Variants in CPNE5 observed in about 807,000 individuals in gnomAD.
CPNE5 encodes the protein copine 5.
Under a neutral mutation model 81.1 loss-of-function variants are expected in CPNE5, and 42 were observed. The ratio of observed to expected loss-of-function variants is 0.52; its 90% CI spans 0.40 to 0.67. CPNE5 has a LOEUF of 0.67. Ranked by LOEUF, CPNE5 falls within the 30% of genes least tolerant of loss-of-function variation. The pLI is 0.00. For synonymous variants in CPNE5, 313 were observed against 321.5 expected (o/e 0.97, Z 0.28); for missense variants, 612 against 815.5 (o/e 0.75, Z 3.04).
chr6:36,752,482 C>G (rs1206038381), intron 14 of CPNE5: 4 of 152,416 alleles, frequency 2.6e-5, no homozygotes, highest in African/African-American at 9.7e-5. Flanking sequence ...CTTACAGGGC[C>G]CTAATAACAG....
In CPNE5 at chr6:36,746,967, G is replaced by T. The variant is rs1290409720; in HGVS notation, c.1019-390C>A. 0.01 allele frequency among the ~76,000 whole-genome samples: 1 copy of T among 96 alleles called. No homozygotes were observed. Among genetic ancestry groups the T allele is most frequent in the African/African-American group, 0.056 (1 of 18 alleles). The allele number at this position is 96 out of a possible 152,430, so 0.1% of individuals were successfully genotyped here. ...AATGAAACCCAAAGTCCTCACAAGA[G>T]CCCGCAAGCACTCATGATCTGGCCT... On this transcript the variant is annotated intron_variant, in intron 15 of 20. Transcript: ENST00000244751. This position sits in a 1 kb window ranked among gnomAD's most constrained non-coding sequence, Gnocchi z 4.5.
intron 8 of CPNE5, 149 bp from the exon 9 acceptor site, chr6:36,779,106 C>A (rs938984183): frequency 7.1e-6 from 4 of 563,904 alleles, no homozygotes; most frequent in Non-Finnish European, 1.3e-5. Context: ...TCAGACGGCC[C>A]CCCAGCAGGC....
intron 6 of CPNE5, among the ~76,000 whole-genome samples, chr6:36,797,496 G>A (rs1025173857): frequency 2.6e-5 from 4 of 152,204 alleles, no homozygotes; most frequent in African/African-American, 9.6e-5. Context: ...GGTAAGAATC[G>A]TTTATACAGG....
At chr6:36,794,402 G>C (rs574579557) in intron 7 of CPNE5, among the ~76,000 whole-genome samples, 188 bp downstream of exon 7, 1 of 152,156 alleles carries the variant, frequency 6.6e-6, no homozygotes, top group South Asian at 2.1e-4. Flanking sequence ...GCCCACTGCC[G>C]AGTGGGGGCC....
rs185438799 is a variant in CPNE5, at chr6:36,812,167, G to A, written c.183+9947C>T. Among the ~76,000 whole-genome samples the A allele has an allele frequency of 1.2e-4, 18 of 152,300 alleles. No homozygotes were observed. In the East Asian group the frequency reaches 2.7e-3, roughly 23 times the overall value. The stretch of plus-strand genomic sequence containing the variant: ...GTGGCCTGGGCAGAGGAGAAGACCA[G>A]GGACTCCGACTCGGAAAACCACATT... On this transcript the variant is annotated intron_variant, in intron 3 of 20. Coordinates refer to ENST00000244751, the MANE Select transcript of CPNE5 (RefSeq NM_020939.2).
intron 3 of CPNE5, among the ~76,000 whole-genome samples, chr6:36,812,845 A>T (rs1771218638): frequency 6.6e-6 from 1 of 152,244 alleles, no homozygotes; most frequent in Admixed American, 6.5e-5. Context: ...AAAAGGAGAG[A>T]GTCCAGAAAG....
intron 3 of CPNE5, among the ~76,000 whole-genome samples, chr6:36,815,450 G>C (rs1257718558): frequency 6.6e-6 from 1 of 152,184 alleles, no homozygotes; most frequent in African/African-American, 2.4e-5. Context: ...TAGGTCAGGA[G>C]GGCAGAGCCC....
chr6:36,783,027 G>T lies in CPNE5; in HGVS notation c.529-4070C>A, dbSNP rs866888162. ...CCTGTGGAGAAGGCGAAAGGAGATG[G>T]CCTGTGTCACATCCTGGTCCACAGT... is the stretch of plus-strand genomic sequence containing the variant. On this transcript the variant is annotated intron_variant, in intron 8 of 20. Coordinates refer to ENST00000244751, the MANE Select transcript of CPNE5 (RefSeq NM_020939.2). 1.2e-3 allele frequency among the ~76,000 whole-genome samples: 177 copies of T among 152,202 alleles called. 1 individual carries two copies. The highest frequency in any genetic ancestry group is 4.0e-3 in the African/African-American group (166 of 41,494).
chr6:36,758,999 GC>G (rs1005889055), intron 12 of CPNE5, among the ~76,000 whole-genome samples: 6 of 152,228 alleles, frequency 3.9e-5, no homozygotes, highest in Non-Finnish European at 8.8e-5. Context: ...CAAAATGGCA[GC>G]CCCAGTGCTG....
Position 36,798,212 on chromosome 6 carries a change from A to C in CPNE5, c.357T>G (p.Leu119=). ...TCCCAGGGGACCCCACAATCTCTCCAAGGGTGCAGAAGGCCTGGCCCAGGA... is the reference window on the plus strand; with the variant it reads ...TCCCAGGGGACCCCACAATCTCTCCCAGGGTGCAGAAGGCCTGGCCCAGGA... The part of the protein sequence containing the change: ...HDFLGQAFCT[L]GEIVGSPGSR... The change falls in exon 6 of 21, where the codon CTT becomes CTG. Residue 119 remains leucine (L), a synonymous_variant. Coordinates refer to ENST00000244751, the MANE Select transcript of CPNE5 (RefSeq NM_020939.2). 2 of 1,613,728 alleles carry C rather than the reference A, an allele frequency of 1.2e-6. No homozygotes were observed. The highest frequency in any genetic ancestry group is 1.7e-6 in the Non-Finnish European group (2 of 1,179,834).
At chr6:36,782,743 G>A (rs924269279) in intron 8 of CPNE5, among the ~76,000 whole-genome samples, 5 of 151,936 alleles carry the variant, frequency 3.3e-5, no homozygotes, top group African/African-American at 1.2e-4. Context: ...GCAGTGAGCC[G>A]AGATTGCGCC....
chr6:36,759,376 C>A (rs1765802726), intron 12 of CPNE5, among the ~76,000 whole-genome samples: 1 of 151,646 alleles, frequency 6.6e-6, no homozygotes, highest in Non-Finnish European at 1.5e-5. Context: ...AGCTGCCCCT[C>A]CACTAAGTCA....
At chr6:36,822,940 C>G in intron 2 of CPNE5, 118 bp downstream of exon 2, 1 of 800,358 alleles carries the variant, frequency 1.2e-6, no homozygotes, top group Non-Finnish European at 1.9e-6. Context: ...AGGCTTGACA[C>G]ACTTTGAACG....
At chr6:36,795,474 C>T (rs1279877382) in intron 6 of CPNE5, among the ~76,000 whole-genome samples, 1 of 152,156 alleles carries the variant, frequency 6.6e-6, no homozygotes, top group African/African-American at 2.4e-5. Flanking sequence ...CCACCATGCC[C>T]AGCCTGGAGA....
At chr6:36,757,732 A>G (rs1279072594) in intron 12 of CPNE5, among the ~76,000 whole-genome samples, 4 of 152,086 alleles carry the variant, frequency 2.6e-5, no homozygotes, top group Non-Finnish European at 5.9e-5. Context: ...AGGAAAGACC[A>G]CTCTAGGTGA....
chr6:36,791,014 G>T (rs1769044870), intron 8 of CPNE5, among the ~76,000 whole-genome samples: 2 of 152,176 alleles, frequency 1.3e-5, no homozygotes, highest in African/African-American at 4.8e-5. Context: ...TCCCAGGAAG[G>T]TAGGAAAATC....
intron 7 of CPNE5, chr6:36,792,301 C>G: frequency 6.6e-7 from 1 of 1,509,270 alleles, no homozygotes; most frequent in Non-Finnish European, 8.9e-7. Flanking sequence ...GGTCCCCGAG[C>G]CTGGAGCTGC....
intron 10 of CPNE5, among the ~76,000 whole-genome samples, chr6:36,769,933 G>A (rs1310362706): frequency 1.3e-5 from 2 of 152,164 alleles, no homozygotes; most frequent in African/African-American, 4.8e-5. Flanking sequence ...TCCAGGTGAG[G>A]ACTCCACACT....
At chr6:36,806,103 G>C (rs957249879) in intron 3 of CPNE5, among the ~76,000 whole-genome samples, 1 of 152,110 alleles carries the variant, frequency 6.6e-6, no homozygotes, top group African/African-American at 2.4e-5. Context: ...GGCCAGGAGG[G>C]GACAGCCTCT....
Sources: gnomAD v4.1 joint callset for allele counts (sites outside exome capture counted in the v4.1 genomes callset) on GRCh38, gnomAD v4.1.1 for gene constraint, Gnocchi (gnomAD v3.1) non-coding constraint, MANE v1.5 for transcripts, NCBI Gene and HGNC (gene_info 2026-07-23, HGNC 2026-07-21) for gene names.